The following ROBO2 variants were observed in gnomAD, a reference collection of about 807,000 sequenced individuals.
The protein encoded by ROBO2 is roundabout guidance receptor 2, also known as roundabout homolog 2.
Under a neutral mutation model 160.8 loss-of-function variants are expected in ROBO2, and 53 were observed. The observed-to-expected ratio is 0.33, with a 90% CI of 0.26 to 0.41. The LOEUF (loss-of-function observed/expected upper bound fraction) is 0.41. Among genes scored for constraint, ROBO2 ranks in the 10% least tolerant of loss-of-function variants. ROBO2 has a pLI of 1.00. For missense variants in ROBO2, 1,577 were observed against 1,722.4 expected (o/e 0.92, Z 1.49); for synonymous variants, 664 against 611.7 (o/e 1.09, Z -1.26).
At chr3:77,478,100 C>T (rs889488248) in intron 3 of ROBO2, among the ~76,000 whole-genome samples, 28 of 152,250 alleles carry the variant, frequency 1.8e-4, no homozygotes, top group African/African-American at 6.5e-4. Flanking sequence ...GCTTGGATTA[C>T]AGGCGTGAGC....
intron 2 of ROBO2, among the ~76,000 whole-genome samples, chr3:76,218,759 A>G (rs979098440): frequency 9.2e-5 from 14 of 151,940 alleles, no homozygotes; most frequent in Non-Finnish European, 1.0e-4. Context: ...TATAGATTCA[A>G]TGCCATCCCC....
intron 1 of ROBO2, among the ~76,000 whole-genome samples, chr3:75,918,899 C>T (rs1429384746): frequency 6.6e-6 from 1 of 152,122 alleles, no homozygotes. Flanking sequence ...TATCCTGAGA[C>T]TTTGCCAAAG....
intron 23 of ROBO2, among the ~76,000 whole-genome samples, chr3:77,626,802 A>C (rs1219799200): frequency 6.6e-6 from 1 of 152,184 alleles, no homozygotes; most frequent in Non-Finnish European, 1.5e-5. Flanking sequence ...AGTTTCCTTG[A>C]CTGCTGGACC....
chr3:77,574,629 A>G, exon 14 of ROBO2: 1 of 1,613,392 alleles, frequency 6.2e-7, no homozygotes, highest in Non-Finnish European at 8.5e-7. Context: ...GTCTTAGTCA[A>G]CCTGAAAAAG....
At chr3:75,997,692 A>G (rs1230689026) in intron 2 of ROBO2, among the ~76,000 whole-genome samples, 1 of 151,836 alleles carries the variant, frequency 6.6e-6, no homozygotes, top group Non-Finnish European at 1.5e-5. Flanking sequence ...ACGGGGTTTC[A>G]CCGTGTTAGA....
chr3:77,121,048 G>A (rs1257731672), intron 2 of ROBO2, among the ~76,000 whole-genome samples: 6 of 151,962 alleles, frequency 3.9e-5, no homozygotes, highest in Admixed American at 3.9e-4. Flanking sequence ...GGGTTCAAGC[G>A]ATTCTCCTGC....
intron 8 of ROBO2, among the ~76,000 whole-genome samples, chr3:77,552,319 T>C (rs1025951886): frequency 1.3e-5 from 2 of 151,996 alleles, no homozygotes; most frequent in Admixed American, 6.6e-5. Flanking sequence ...ACTTATAATA[T>C]TTTATAGAAG....
chr3:76,234,611 G>C (rs1479734079), intron 2 of ROBO2, among the ~76,000 whole-genome samples: 2 of 152,054 alleles, frequency 1.3e-5, no homozygotes, highest in Non-Finnish European at 2.9e-5. Flanking sequence ...TTGTGGTTTT[G>C]ATTTGTATTT....
chr3:76,760,343 A>T lies in ROBO2; in HGVS notation c.110-337671A>T, dbSNP rs185560954. Among the ~76,000 whole-genome samples the T allele has an allele frequency of 1.9e-3, 291 of 151,826 alleles. 1 individual carries two copies. Among genetic ancestry groups the T allele is most frequent in the African/African-American group, 6.8e-3 (282 of 41,504 alleles). On this transcript the variant is annotated intron_variant, in intron 2 of 26. Coordinates refer to the ROBO2 transcript ENST00000487694. ...ATAGTTTCTGATTACCTGCTGGCAA[A>T]CTTTAGCCTCTGATTTTTTTAATGG...
chr3:76,294,783 C>G (rs1332367762), intron 2 of ROBO2, among the ~76,000 whole-genome samples: 1 of 152,124 alleles, frequency 6.6e-6, no homozygotes, highest in Non-Finnish European at 1.5e-5. Context: ...AGGCAATAGC[C>G]AGTGGTCAGT....
chr3:77,071,962 C>G (rs1190720963), intron 1 of ROBO2, among the ~76,000 whole-genome samples: 1 of 152,100 alleles, frequency 6.6e-6, no homozygotes, highest in Non-Finnish European at 1.5e-5. Context: ...CAGTACCGCT[C>G]GTGACTTGTT....
At chr3:76,796,865 ATTAT>A (rs1222681719) in intron 2 of ROBO2, among the ~76,000 whole-genome samples, 74 of 152,220 alleles carry the variant, frequency 4.9e-4, no homozygotes, top group African/African-American at 1.6e-3. Context: ...CCCTTATATA[ATTAT>A]AAGGGGATAA....
intron 2 of ROBO2, among the ~76,000 whole-genome samples, chr3:76,348,526 GGCAGC>G (rs2074674840): frequency 6.6e-6 from 1 of 152,080 alleles, no homozygotes; most frequent in African/African-American, 2.4e-5. Flanking sequence ...TTCTCCTGAA[GGCAGC>G]CCTTGGCATC....
chr3:76,132,524 G>A (rs567792308), intron 2 of ROBO2, among the ~76,000 whole-genome samples: 15 of 152,004 alleles, frequency 9.9e-5, no homozygotes, highest in African/African-American at 3.1e-4. Flanking sequence ...GGATGCCACC[G>A]AGGACTAACC....
chr3:77,234,451 C>T (rs916625608), intron 2 of ROBO2, among the ~76,000 whole-genome samples: 5 of 152,014 alleles, frequency 3.3e-5, no homozygotes, highest in African/African-American at 1.2e-4. Flanking sequence ...ACACCACAGT[C>T]GTTTAATGTA....
intron 2 of ROBO2, among the ~76,000 whole-genome samples, chr3:76,885,741 C>T (rs138723818): frequency 1.3e-5 from 2 of 152,280 alleles, no homozygotes; most frequent in East Asian, 3.9e-4. Flanking sequence ...AAGAATCTCT[C>T]TCTGGGGCCC....
intron 2 of ROBO2, among the ~76,000 whole-genome samples, chr3:77,106,612 C>A (rs960338276): frequency 6.6e-6 from 1 of 151,996 alleles, no homozygotes; most frequent in Admixed American, 6.6e-5. Flanking sequence ...GAAGTAAAAA[C>A]AATAGGTGAA....
intron 2 of ROBO2, among the ~76,000 whole-genome samples, chr3:76,873,211 C>T (rs1402807522): frequency 6.6e-6 from 1 of 152,004 alleles, no homozygotes; most frequent in Non-Finnish European, 1.5e-5. Flanking sequence ...TCTTCTAAGG[C>T]AAAGTTCATG....
At chr3:77,087,612 T>TC (rs758990286) in intron 1 of ROBO2, among the ~76,000 whole-genome samples, 11 of 151,884 alleles carry the variant, frequency 7.2e-5, no homozygotes, top group Non-Finnish European at 1.5e-4. Context: ...AAGAGGAAAA[T>TC]CCCCCCTAAC....
Sources: allele counts gnomAD v4.1 joint callset (sites outside exome capture counted in the v4.1 genomes callset), GRCh38; gene constraint gnomAD v4.1.1; transcripts MANE v1.5; gene names NCBI Gene and HGNC (gene_info 2026-07-23, HGNC 2026-07-21).